The following AP4S1 variants were observed in gnomAD, a reference collection of about 807,000 sequenced individuals.
AP4S1 encodes the protein adaptor related protein complex 4 subunit sigma 1, also known as AP-4 complex subunit sigma-1.
AP4S1 carries 23 observed loss-of-function variants against 19.8 expected under a neutral mutation model. The observed-to-expected ratio is 1.16, with a 90% confidence interval of 0.84 to 1.65. The LOEUF is 1.65. Among genes scored for constraint, AP4S1 ranks in the 40% most tolerant of loss-of-function variants. The probability of loss-of-function intolerance (pLI) is 0.00; values close to 1 mark genes in which losing one functional copy is unlikely to be tolerated. For synonymous variants in AP4S1, 46 were observed against 54.1 expected, an observed-to-expected ratio of 0.85 and a Z score of 0.66; for missense variants, 166 against 172.8, an observed-to-expected ratio of 0.96 and a Z score of 0.22.
At chr14:31,054,543 G>A (rs996440257) in intron 1 of AP4S1, among the ~76,000 whole-genome samples, 16 of 151,972 alleles carry the variant, frequency 1.1e-4, no homozygotes, top group African/African-American at 3.9e-4. Flanking sequence ...TTAGCCAGGC[G>A]TGGTGGCAGG....
rs1268387438 is a variant in AP4S1, at chr14:31,072,957, A to C, written c.278A>C (p.Glu93Ala). 1.2e-6 allele frequency: 2 copies of C among 1,613,826 alleles called. No homozygotes were observed. The highest frequency in any genetic ancestry group is 4.5e-5 in the East Asian group (2 of 44,878). ...CATAACTTTGTGGAAGTTTTAGATG[A>C]GTATTTCAGCCGAGTGGTAAGTCTA... ...FIHNFVEVLD[E>A]YFSRVSELDI... The change falls in exon 4 of 6, where the codon GAG becomes GCG. Residue 93 changes from glutamate (E) to alanine (A), a missense_variant. By Grantham distance (107) the Glu-to-Ala change is moderately radical. Transcript: ENST00000542754.
At position 31,073,367 on chromosome 14, in the gene AP4S1, G is replaced by A. The variant is rs1208449383; in HGVS notation, c.294+394G>A. Among the ~76,000 whole-genome samples, 9 of 133,484 alleles carry A rather than the reference G, an allele frequency of 6.7e-5. 1 individual carries two copies. Among genetic ancestry groups the A allele is most frequent in the South Asian group, 4.9e-4 (2 of 4,076 alleles). 87.6% of individuals were successfully genotyped at this position (133,484 alleles called of 152,430 possible). A position where few individuals can be genotyped will look rare whatever the true frequency, so the allele number is the denominator to read the frequency against. On this transcript the variant is annotated intron_variant, in intron 4 of 5. Coordinates refer to ENST00000542754, the MANE Select transcript of AP4S1 (RefSeq NM_001128126.3). ...TAGCTGGGCGTGGTGGTGGGCGCCTGTAGTCCCAGCTACTCCGGAGGCTGA... is the reference window on the plus strand; with the variant it reads ...TAGCTGGGCGTGGTGGTGGGCGCCTATAGTCCCAGCTACTCCGGAGGCTGA...
chr14:31,074,825 A>G (rs1405783883), intron 4 of AP4S1, among the ~76,000 whole-genome samples: 2 of 113,086 alleles, frequency 1.8e-5, no homozygotes, highest in African/African-American at 6.0e-5. Context: ...CCCCCTCATT[A>G]TCCCCTCCAC....
At position 31,084,903 on chromosome 14, in the gene AP4S1, A is replaced by G. The variant is rs45530436; in HGVS notation, c.306+4319A>G. On this transcript the variant is annotated intron_variant, in intron 5 of 5. Coordinates refer to ENST00000542754, the MANE Select transcript of AP4S1 (RefSeq NM_001128126.3). The stretch of plus-strand genomic sequence containing the variant: ...ACTGAATAGCCAGGGGAGGGCACCA[A>G]TGAACAGCACAGTATGGGAGACACA... The G allele has an allele frequency of 7.8e-4, 1,259 of 1,614,108 alleles. 1 individual carries two copies. Among genetic ancestry groups the G allele is most frequent in the Non-Finnish European group, 9.8e-4 (1,160 of 1,180,002 alleles).
intron 3 of AP4S1, 96 bp from the exon 4 acceptor site, chr14:31,072,809 A>G: frequency 1.0e-6 from 1 of 988,276 alleles, no homozygotes; most frequent in South Asian, 1.3e-5. Context: ...ACTAAGCCAC[A>G]TGCTCTAAAA....
intron 2 of AP4S1, 60 bp downstream of exon 2, chr14:31,066,394 T>G: frequency 6.2e-7 from 1 of 1,602,076 alleles, no homozygotes; most frequent in South Asian, 1.1e-5. Flanking sequence ...AGATTTGTTA[T>G]TAGTGAGTCT....
chr14:31,047,314 G>T (rs533728453), intron 1 of AP4S1, among the ~76,000 whole-genome samples: 1 of 151,292 alleles, frequency 6.6e-6, no homozygotes, highest in African/African-American at 2.4e-5. Flanking sequence ...AGTGTCTTAC[G>T]TGGGTTTTCT....
At chr14:31,040,212 C>T (rs1885032305) in intron 1 of AP4S1, among the ~76,000 whole-genome samples, 1 of 146,466 alleles carries the variant, frequency 6.8e-6, no homozygotes, top group Non-Finnish European at 1.5e-5. Flanking sequence ...AGTGCAGTGG[C>T]CTAGTCACAG....
intron 1 of AP4S1, among the ~76,000 whole-genome samples, chr14:31,038,233 C>T (rs1169252807): frequency 6.6e-6 from 1 of 152,056 alleles, no homozygotes; most frequent in African/African-American, 2.4e-5. Flanking sequence ...GAAAATCAGA[C>T]TTAAGAATTT....
intron 4 of AP4S1, among the ~76,000 whole-genome samples, chr14:31,076,698 A>G (rs570545198): frequency 6.6e-6 from 1 of 152,284 alleles, no homozygotes; most frequent in East Asian, 1.9e-4. Context: ...CAGTAAATCA[A>G]TTGGCCATAA....
In AP4S1 at chr14:31,095,606, A is replaced by G. The variant is rs796733391; in HGVS notation, c.*2571A>G. ...CTAATTTTTGTATTTTGTTGTAGAGATAGGGTTTCACTATGTTGCCCAGAC... is the reference window on the plus strand; with the variant it reads ...CTAATTTTTGTATTTTGTTGTAGAGGTAGGGTTTCACTATGTTGCCCAGAC... On this transcript the variant is annotated 3_prime_UTR_variant, in exon 6 of 6. Transcript: ENST00000542754. The G allele has an allele frequency of 5.3e-5, 8 of 152,214 alleles. No homozygotes were observed. Among genetic ancestry groups the G allele is most frequent in the African/African-American group, 1.9e-4 (8 of 41,508 alleles). 9.4% of individuals were successfully genotyped at this position (152,214 alleles called of 1,614,324 possible). A position where few individuals can be genotyped will look rare whatever the true frequency, so the allele number is the denominator to read the frequency against.
chr14:31,096,157 T>A lies in AP4S1; in HGVS notation c.*3122T>A, dbSNP rs1397372996. 2 of 148,792 alleles carry A rather than the reference T, an allele frequency of 1.3e-5. No homozygotes were observed. The highest frequency in any genetic ancestry group is 3.0e-5 in the Non-Finnish European group (2 of 67,286). The allele number at this position is 148,792 out of a possible 1,614,324, so 9.2% of individuals were successfully genotyped here. On this transcript the variant is annotated 3_prime_UTR_variant, in exon 6 of 6. Transcript: ENST00000542754. ...TCTGTACAGGTAGGCATGAAATGAA[T>A]CCTTCTCTTCCTCCCCTTTACTCCT...
At chr14:31,073,484 C>T (rs1339007288) in intron 4 of AP4S1, among the ~76,000 whole-genome samples, 2 of 148,734 alleles carry the variant, frequency 1.3e-5, no homozygotes, top group Admixed American at 1.3e-4. Flanking sequence ...AGCGAGACTC[C>T]GTCTCAGAAA....
At chr14:31,039,733 GGC>G (rs1367185860) in intron 1 of AP4S1, among the ~76,000 whole-genome samples, 2 of 151,858 alleles carry the variant, frequency 1.3e-5, no homozygotes, top group Non-Finnish European at 2.9e-5. Flanking sequence ...TGGGACTACA[GGC>G]GCGCGCCACC....
chr14:31,076,016 G>A (rs370058618), intron 4 of AP4S1, among the ~76,000 whole-genome samples: 11 of 152,272 alleles, frequency 7.2e-5, no homozygotes, highest in Admixed American at 4.6e-4. Context: ...GATTACAGGC[G>A]TGAGCCGTCA....
intron 1 of AP4S1, among the ~76,000 whole-genome samples, chr14:31,028,678 C>T (rs1398253504): frequency 1.3e-5 from 2 of 151,804 alleles, no homozygotes; most frequent in African/African-American, 2.4e-5. Flanking sequence ...TTTGGGAGGC[C>T]GAAGCGGGCA....
chr14:31,026,092 G>A (rs1361232731), intron 1 of AP4S1: 1 of 1,528,570 alleles, frequency 6.5e-7, no homozygotes. Context: ...TTCCCCCCGG[G>A]CGAAAGGCCC....
chr14:31,041,009 G>A (rs1352904512), intron 1 of AP4S1, among the ~76,000 whole-genome samples: 1 of 149,720 alleles, frequency 6.7e-6, no homozygotes, highest in Non-Finnish European at 1.5e-5. Flanking sequence ...CAGGGAGGTG[G>A]AGCTAACAGT....
At chr14:31,030,790 C>T (rs1161161677) in intron 1 of AP4S1, among the ~76,000 whole-genome samples, 2 of 152,168 alleles carry the variant, frequency 1.3e-5, no homozygotes, top group Non-Finnish European at 2.9e-5. Context: ...ATACTTAGCA[C>T]CAACCACTCT....
Sources: gnomAD v4.1 joint callset for allele counts (sites outside exome capture counted in the v4.1 genomes callset) on GRCh38, gnomAD v4.1.1 for gene constraint, MANE v1.5 for transcripts, NCBI Gene and HGNC (gene_info 2026-07-23, HGNC 2026-07-21) for gene names.